PRKN: variants seen among roughly 807,000 people sequenced by gnomAD.
PRKN encodes E3 ubiquitin-protein ligase parkin.
Under a neutral mutation model 59.5 loss-of-function variants are expected in PRKN, and 56 were observed. The ratio of observed to expected loss-of-function variants is 0.94; its 90% CI spans 0.76 to 1.18. The LOEUF (loss-of-function observed/expected upper bound fraction) is 1.18. Among genes scored for constraint, PRKN ranks in the 50% most tolerant of loss-of-function variants. The probability of loss-of-function intolerance (pLI) is 0.00; values close to 1 mark genes in which losing one functional copy is unlikely to be tolerated. For synonymous variants in PRKN, 250 were observed against 222.1 expected (o/e 1.13, Z -1.12); for missense variants, 657 against 596.4 (o/e 1.10, Z -1.06).
intron 1 of PRKN, among the ~76,000 whole-genome samples, chr6:162,531,352 T>A (rs1204166676): frequency 6.6e-6 from 1 of 152,030 alleles, no homozygotes; most frequent in Non-Finnish European, 1.5e-5. Flanking sequence ...ATTGCGGAAT[T>A]GCAATAGAGA....
intron 4 of PRKN, among the ~76,000 whole-genome samples, chr6:162,141,433 TG>T (rs1283183711): frequency 6.6e-6 from 1 of 152,214 alleles, no homozygotes; most frequent in Non-Finnish European, 1.5e-5. Flanking sequence ...ATACTTCAAC[TG>T]TGCAATCTAC....
chr6:161,781,246 A>C (rs1175511288), intron 7 of PRKN, among the ~76,000 whole-genome samples: 1 of 152,244 alleles, frequency 6.6e-6, no homozygotes, highest in Non-Finnish European at 1.5e-5. Context: ...TAAGTTCTCA[A>C]TAGCAACTGG....
intron 2 of PRKN, among the ~76,000 whole-genome samples, chr6:162,415,265 G>A (rs1788570675): frequency 6.6e-6 from 1 of 152,120 alleles, no homozygotes; most frequent in African/African-American, 2.4e-5. Context: ...ATTTTAACAC[G>A]AGTGTCACAC....
At chr6:162,391,654 A>G (rs1787200792) in intron 2 of PRKN, among the ~76,000 whole-genome samples, 1 of 152,110 alleles carries the variant, frequency 6.6e-6, no homozygotes. Flanking sequence ...CTTGACGTGG[A>G]TTTCGAACAT....
chr6:161,642,680 TAAC>T, intron 7 of PRKN, among the ~76,000 whole-genome samples: 1 of 151,728 alleles, frequency 6.6e-6, no homozygotes, highest in South Asian at 2.1e-4. Flanking sequence ...ACAACAACAA[TAAC>T]AACAACAAAA....
chr6:162,701,562 G>C (rs1266828624), intron 1 of PRKN, among the ~76,000 whole-genome samples: 3 of 151,554 alleles, frequency 2.0e-5, no homozygotes, highest in African/African-American at 7.3e-5. Flanking sequence ...TTTTAAATGT[G>C]ATTAAAAAAA....
chr6:162,217,788 A>G (rs1265351049), intron 3 of PRKN, among the ~76,000 whole-genome samples: 3 of 152,176 alleles, frequency 2.0e-5, no homozygotes, highest in Non-Finnish European at 2.9e-5. Context: ...GGGAGACAAA[A>G]ACACTATCAT....
intron 7 of PRKN, among the ~76,000 whole-genome samples, chr6:161,732,485 T>TGTGTGTGTGTGTGTGTGTG (rs113804410): frequency 2.0e-5 from 3 of 146,418 alleles, no homozygotes; most frequent in African/African-American, 7.5e-5. Flanking sequence ...TTTTTTTTTT[T>TGTGTGTGTGTGTGTGTGTG]TGTGTGTGTG....
chr6:161,777,829 T>C lies in PRKN; in HGVS notation c.871+7943A>G, dbSNP rs570941645. ...ATATGTATATATGTGTATATATGTA[T>C]ATGTATACGTATATATGTATATATG... On this transcript the variant is annotated intron_variant, in intron 7 of 11. Transcript: ENST00000366898. Among the ~76,000 whole-genome samples, 414 of 136,916 alleles carry C rather than the reference T, an allele frequency of 3.0e-3. 5 individuals carry two copies. The highest frequency in any genetic ancestry group is 0.012 in the African/African-American group (389 of 31,606). The allele number at this position is 136,916 out of a possible 152,430, so 89.8% of individuals were successfully genotyped here. A position where few individuals can be genotyped will look rare whatever the true frequency, so the allele number is the denominator to read the frequency against.
intron 7 of PRKN, among the ~76,000 whole-genome samples, chr6:161,718,908 C>T (rs1042300069): frequency 5.9e-5 from 9 of 152,284 alleles, no homozygotes; most frequent in African/African-American, 1.9e-4. Context: ...AGTGAAGGGG[C>T]TTTAGCGGCA....
chr6:162,470,027 G>A (rs947587144), intron 1 of PRKN, among the ~76,000 whole-genome samples: 1 of 152,192 alleles, frequency 6.6e-6, no homozygotes, highest in Middle Eastern at 3.4e-3. Context: ...AACTACATGA[G>A]GACAGATTTT....
rs775694778 is a variant in PRKN, at chr6:161,516,479, AAAAAAAAAAAAAAAG to A, written c.1083+32360_1083+32374del. 5.2e-3 allele frequency among the ~76,000 whole-genome samples: 627 copies of A among 120,886 alleles called. 10 individuals are homozygous for A. The highest frequency in any genetic ancestry group is 7.2e-3 in the Non-Finnish European group (433 of 60,282). The allele number at this position is 120,886 out of a possible 152,430, so 79.3% of individuals were successfully genotyped here. On this transcript the variant is annotated intron_variant, in intron 9 of 11. Transcript: ENST00000366898. ...GTGAGGCTCCTTCTAAAAAAAAAAA[AAAAAAAAAAAAAAAG>A]AAGAAGAAGAAAGAAGAAAGAAGAA...
chr6:162,065,429 C>T (rs1778290781), intron 4 of PRKN, among the ~76,000 whole-genome samples: 1 of 152,162 alleles, frequency 6.6e-6, no homozygotes, highest in Non-Finnish European at 1.5e-5. Context: ...GCCATGGGGG[C>T]AGCAGACTGG....
chr6:161,759,489 C>A (rs1422036211), intron 7 of PRKN, among the ~76,000 whole-genome samples: 1 of 63,164 alleles, frequency 1.6e-5, no homozygotes. Flanking sequence ...AACCAGGATT[C>A]TTTGTGTCTT....
intron 2 of PRKN, among the ~76,000 whole-genome samples, chr6:162,327,700 G>A (rs1298026436): frequency 1.3e-5 from 2 of 152,006 alleles, no homozygotes; most frequent in East Asian, 1.9e-4. Flanking sequence ...TTTCTCTACA[G>A]TTTCAATGTT....
chr6:161,476,144 G>A (rs932737862), intron 9 of PRKN, among the ~76,000 whole-genome samples: 2 of 151,086 alleles, frequency 1.3e-5, no homozygotes, highest in African/African-American at 4.9e-5. Context: ...CCGAGATCGC[G>A]CCACTGTACT....
At chr6:162,259,481 C>T (rs749825624) in intron 3 of PRKN, among the ~76,000 whole-genome samples, 2 of 152,170 alleles carry the variant, frequency 1.3e-5, no homozygotes, top group African/African-American at 2.4e-5. Flanking sequence ...ATCAAAGAAA[C>T]ATGGAAAAAC....
intron 1 of PRKN, among the ~76,000 whole-genome samples, chr6:162,647,611 A>G (rs1778235676): frequency 6.6e-6 from 1 of 152,114 alleles, no homozygotes. Flanking sequence ...CTTTACTCAT[A>G]CTTATATGTC....
At chr6:162,360,870 A>C (rs1240241051) in intron 2 of PRKN, among the ~76,000 whole-genome samples, 1 of 152,186 alleles carries the variant, frequency 6.6e-6, no homozygotes, top group Non-Finnish European at 1.5e-5. Flanking sequence ...AAAATGGTAA[A>C]AGGATAAAGG....
Sources: allele counts gnomAD v4.1 joint callset (sites outside exome capture counted in the v4.1 genomes callset), GRCh38; gene constraint gnomAD v4.1.1; transcripts MANE v1.5; gene names NCBI Gene and HGNC (gene_info 2026-07-23, HGNC 2026-07-21).